The following BUD31 variants were observed in gnomAD, a reference collection of about 807,000 sequenced individuals.
The protein encoded by BUD31 is protein BUD31 homolog.
BUD31 carries 9 observed loss-of-function variants against 17.9 expected under a neutral mutation model. The observed-to-expected ratio is 0.50, with a 90% CI of 0.30 to 0.88. The LOEUF (loss-of-function observed/expected upper bound fraction) is 0.88. Among genes scored for constraint, BUD31 ranks in the 40% least tolerant of loss-of-function variants. The probability of loss-of-function intolerance (pLI) is 0.06; values close to 1 mark genes in which losing one functional copy is unlikely to be tolerated. For synonymous variants in BUD31, 70 were observed against 64.7 expected (o/e 1.08, Z -0.39); for missense variants, 148 against 184.5 (o/e 0.80, Z 1.15).
At chr7:99,409,948 A>G (rs1275300779) in intron 1 of BUD31, 86 bp from the exon 2 acceptor site, 2 of 152,198 alleles carry the variant, frequency 1.3e-5, no homozygotes, top group Non-Finnish European at 2.9e-5. Flanking sequence ...GGCCTCTTGT[A>G]TGGGAACTAC....
intron 3 of BUD31, among the ~76,000 whole-genome samples, chr7:99,414,467 G>A (rs748708362): frequency 2.4e-4 from 37 of 152,306 alleles, no homozygotes; most frequent in Non-Finnish European, 5.0e-4. Flanking sequence ...TACTGTAAAA[G>A]TGAACCTGTT....
At chr7:99,409,932 G>A (rs1795110682) in intron 1 of BUD31, 102 bp from the exon 2 acceptor site, 1 of 152,210 alleles carries the variant, frequency 6.6e-6, no homozygotes, top group South Asian at 2.1e-4. Flanking sequence ...TATTTAGATT[G>A]GGATCGGCCT....
chr7:99,412,214 G>A (rs1303523590), intron 3 of BUD31, among the ~76,000 whole-genome samples: 1 of 152,168 alleles, frequency 6.6e-6, no homozygotes, highest in Non-Finnish European at 1.5e-5. Flanking sequence ...GCCTATTGCA[G>A]TAATCACGGT....
chr7:99,418,066 C>A, intron 5 of BUD31: 2 of 943,810 alleles, frequency 2.1e-6, no homozygotes, highest in South Asian at 2.4e-5. Flanking sequence ...CTCCCGGGTT[C>A]AAGCGGTTCT....
chr7:99,417,485 T>G lies in BUD31; in HGVS notation c.274T>G (p.Trp92Gly), dbSNP rs1157833308. The G allele has an allele frequency of 1.9e-6, 3 of 1,610,806 alleles. No individual in the cohort carries two copies. The highest frequency in any genetic ancestry group is 1.3e-5 in the African/African-American group (1 of 74,632). The change falls in exon 5 of 6, where the codon TGG becomes GGG. Residue 92 changes from tryptophan to glycine, a missense_variant. Physicochemically the swap from Trp to Gly is radical, Grantham distance 184 (BLOSUM62 -2). Transcript: ENST00000222969. ...TGCAGACAAAAACCTGATTGCAAAATGGAAAAAGCAAGGATATGAGAACTT... is the reference window on the plus strand; with the variant it reads ...TGCAGACAAAAACCTGATTGCAAAAGGGAAAAAGCAAGGATATGAGAACTT... Reference protein sequence around the residue: ...GYADKNLIAKWKKQGYENLCC... With the variant: ...GYADKNLIAKGKKQGYENLCC...
intron 3 of BUD31, chr7:99,415,146 G>T: frequency 4.5e-6 from 2 of 449,274 alleles, no homozygotes; most frequent in Admixed American, 2.5e-5. Flanking sequence ...AGACAGCTGA[G>T]CCTGGGAATC....
At chr7:99,412,592 C>T (rs1332079473) in intron 3 of BUD31, among the ~76,000 whole-genome samples, 1 of 151,738 alleles carries the variant, frequency 6.6e-6, no homozygotes, top group Non-Finnish European at 1.5e-5. Context: ...CCACGCTTGG[C>T]TAAGTTTTCT....
At chr7:99,411,237 T>G (rs1270406037) in intron 3 of BUD31, 51 bp downstream of exon 3, 1 of 1,400,006 alleles carries the variant, frequency 7.1e-7, no homozygotes, top group Admixed American at 1.7e-5. Context: ...GGTCACAGGC[T>G]TAGATGCCCC....
chr7:99,417,840 TC>T (rs2150938407), intron 5 of BUD31: 1 of 1,452,280 alleles, frequency 6.9e-7, no homozygotes, highest in African/African-American at 1.4e-5. Flanking sequence ...TGAACCCCTT[TC>T]CTCACTTAGG....
rs1268447644 is a variant in BUD31 at position 99,417,525 on chromosome 7, G to A, written c.314G>A (p.Cys105Tyr). 2 of 1,611,874 alleles carry A rather than the reference G, an allele frequency of 1.2e-6. No individual in the cohort carries two copies. The highest frequency in any genetic ancestry group is 1.1e-5 in the South Asian group (1 of 90,972). Residue 105 changes from cysteine to tyrosine, a missense_variant, in exon 5 of 6, where the codon TGC becomes TAC. By Grantham distance (194) the Cys-to-Tyr change is radical (BLOSUM62 -2). Coordinates refer to ENST00000222969, the MANE Select transcript of BUD31 (RefSeq NM_003910.4). ...TATGAGAACTTGTGCTGCCTGCGGTGCATTCAGACACGGGACACCAACTTC... is the reference window on the plus strand; with the variant it reads ...TATGAGAACTTGTGCTGCCTGCGGTACATTCAGACACGGGACACCAACTTC... ...QGYENLCCLRCIQTRDTNFGT... is the reference protein window; with the variant it reads ...QGYENLCCLRYIQTRDTNFGT...
intron 3 of BUD31, chr7:99,412,059 A>G: frequency 5.6e-6 from 1 of 177,880 alleles, no homozygotes; most frequent in Non-Finnish European, 1.2e-5. Context: ...TAACCTAATC[A>G]TGGTTATTAT....
chr7:99,413,016 G>T (rs904202360), intron 3 of BUD31, among the ~76,000 whole-genome samples: 3 of 152,056 alleles, frequency 2.0e-5, no homozygotes, highest in African/African-American at 7.3e-5. Flanking sequence ...ACGAAAGAAC[G>T]AGATCTAATG....
Position 99,411,190 on chromosome 7 carries a change from AGTAG to A in BUD31, c.94+6_94+9del. On this transcript the variant is annotated splice_donor_5th_base_variant and intron_variant, in intron 3 of 5. Transcript: ENST00000222969. Reference sequence around the variant, plus strand: ...TTAGATCAAAAGATGAGAGAAGGTGAGTAGGGGAGTTCCTGTCTGGGTGGGCTGG... The same window carrying A: ...TTAGATCAAAAGATGAGAGAAGGTGAGGGAGTTCCTGTCTGGGTGGGCTGG... 1 of 1,612,894 alleles carries A rather than the reference AGTAG, an allele frequency of 6.2e-7. No individual in the cohort carries two copies. Among genetic ancestry groups the A allele is most frequent in the Non-Finnish European group, 8.5e-7 (1 of 1,179,004 alleles).
At chr7:99,409,573 G>C (rs895009104) in intron 1 of BUD31, among the ~76,000 whole-genome samples, 6 of 152,042 alleles carry the variant, frequency 3.9e-5, no homozygotes, top group African/African-American at 1.2e-4. Flanking sequence ...GCGCCTTGGG[G>C]CCGAGACCAG....
At chr7:99,413,702 G>A (rs745493140) in intron 3 of BUD31, among the ~76,000 whole-genome samples, 17 of 151,834 alleles carry the variant, frequency 1.1e-4, no homozygotes, top group Non-Finnish European at 2.1e-4. Context: ...AGCACTTCTC[G>A]TGCCTCAGCC....
chr7:99,410,422 G>A (rs903393332), intron 2 of BUD31, among the ~76,000 whole-genome samples: 1 of 137,918 alleles, frequency 7.3e-6, no homozygotes, highest in African/African-American at 2.8e-5. Flanking sequence ...TAGAGATAGG[G>A]TTTCACCTCA....
intron 3 of BUD31, chr7:99,415,119 C>G (rs1032178713): frequency 2.3e-6 from 1 of 434,164 alleles, no homozygotes; most frequent in South Asian, 1.6e-5. Flanking sequence ...AATAAAGACA[C>G]AAGACAAAGA....
intron 3 of BUD31, chr7:99,415,375 T>G (rs1043308886): frequency 2.4e-6 from 1 of 416,462 alleles, no homozygotes; most frequent in African/African-American, 2.1e-5. Context: ...TATCAGAGAC[T>G]TTTAGTACTT....
intron 5 of BUD31, 109 bp downstream of exon 5, chr7:99,417,704 TG>T: frequency 6.5e-7 from 1 of 1,546,584 alleles, no homozygotes. Context: ...GTTTTGTCCC[TG>T]GATGTCCTGC....
Sources: allele counts gnomAD v4.1 joint callset (sites outside exome capture counted in the v4.1 genomes callset), GRCh38; gene constraint gnomAD v4.1.1; transcripts MANE v1.5; gene names NCBI Gene and HGNC (gene_info 2026-07-23, HGNC 2026-07-21).